The following ATP8B2 variants were observed in gnomAD, a reference collection of about 807,000 sequenced individuals.
ATP8B2 encodes the protein phospholipid-transporting ATPase ID.
A neutral mutation model predicts 133.4 loss-of-function variants in ATP8B2; 70 were observed. That is an observed-to-expected ratio of 0.52 (90% CI 0.43 to 0.64). ATP8B2 has a LOEUF of 0.64. ATP8B2 is among the 30% of genes least tolerant of loss of function. The pLI is 0.00. For missense variants in ATP8B2, 1,101 were observed against 1,535.7 expected, an observed-to-expected ratio of 0.72 and a Z score of 4.73; for synonymous variants, 517 against 589.5, an observed-to-expected ratio of 0.88 and a Z score of 1.78.
In ATP8B2 at chr1:154,345,266, C is replaced by CT. The variant is rs1686544062; in HGVS notation, c.2471-55dup. On this transcript the variant is annotated intron_variant, in intron 22 of 27. Transcript: ENST00000368489. The surrounding 1 kb of genome is among the most constrained non-coding windows in gnomAD (Gnocchi z 5.6). Reference sequence around the variant, plus strand: ...GAAGGGGGTTGTAACTTGGTAGGCTCTAAAGTGTGTGGCCGGTGGCCATCT... The same window carrying CT: ...GAAGGGGGTTGTAACTTGGTAGGCTCTTAAAGTGTGTGGCCGGTGGCCATCT... 1.2e-6 allele frequency: 2 copies of CT among 1,609,870 alleles called. No homozygotes were observed.
rs1686480570 is a variant in ATP8B2 at position 154,343,745 on chromosome 1, T to C, written c.1759-148T>C. 9.3e-7 allele frequency: 1 copy of C among 1,080,778 alleles called. No homozygotes were observed. Among genetic ancestry groups the C allele is most frequent in the African/African-American group, 1.6e-5 (1 of 63,030 alleles). The allele number at this position is 1,080,778 out of a possible 1,614,324, so 66.9% of individuals were successfully genotyped here. On this transcript the variant is annotated intron_variant, in intron 17 of 27. Transcript: ENST00000368489. This position sits in a 1 kb window ranked among gnomAD's most constrained non-coding sequence, Gnocchi z 5.8. Reference sequence around the variant, plus strand: ...TTAACACATCAGCCAGCTCCCATAGTTACCTCTTTTTATGTATGTGGTGAC... The same window carrying C: ...TTAACACATCAGCCAGCTCCCATAGCTACCTCTTTTTATGTATGTGGTGAC...
At chr1:154,329,160 C>G in intron 2 of ATP8B2, 1 of 1,158,694 alleles carries the variant, frequency 8.6e-7, no homozygotes, top group South Asian at 1.5e-5. Context: ...CCAGCCTCCC[C>G]CTACCTGCCT....
chr1:154,341,956 G>C (rs1001399930), intron 13 of ATP8B2, among the ~76,000 whole-genome samples: 12 of 152,240 alleles, frequency 7.9e-5, no homozygotes, highest in African/African-American at 2.9e-4. Flanking sequence ...ACTCTCCCCT[G>C]TTGCTGCTCA....
At position 154,345,073 on chromosome 1, in the gene ATP8B2, G is replaced by A; in HGVS notation, c.2389G>A (p.Val797Met). ...GGTGACCCCCTTGCAGAAGGCACAG[G>A]TGGTAGAACTGGTCAAGAAGTACAA... is the stretch of plus-strand genomic sequence containing the variant. Reference protein sequence around the residue: ...CRVTPLQKAQVVELVKKYKKA... With the variant: ...CRVTPLQKAQMVELVKKYKKA... Residue 797 changes from valine (V) to methionine (M), a missense_variant, in exon 22 of 28, where the codon GTG becomes ATG. Coordinates refer to ENST00000368489, the MANE Select transcript of ATP8B2 (RefSeq NM_001370597.1). The surrounding 1 kb of genome is among the most constrained non-coding windows in gnomAD (Gnocchi z 5.6). 6.2e-7 allele frequency: 1 copy of A among 1,614,220 alleles called. No homozygotes were observed. Among genetic ancestry groups the A allele is most frequent in the Non-Finnish European group, 8.5e-7 (1 of 1,180,024 alleles).
chr1:154,334,424 C>T lies in ATP8B2; in HGVS notation c.749-79C>T. 1.3e-6 allele frequency: 2 copies of T among 1,546,688 alleles called. No individual in the cohort carries two copies. Among genetic ancestry groups the T allele is most frequent in the Non-Finnish European group, 1.8e-6 (2 of 1,123,098 alleles). ...AGTATCTCTATTCCACCCTGGTGTC[C>T]TGCAGTCTGGGGATCAGGGCAGAAG... On this transcript the variant is annotated intron_variant, in intron 10 of 27. Transcript: ENST00000368489. The surrounding 1 kb of genome is among the most constrained non-coding windows in gnomAD (Gnocchi z 4.6).
Position 154,342,968 on chromosome 1 carries a change from C to T in ATP8B2, c.1453+7C>T, listed in dbSNP as rs367928953. On this transcript the variant is annotated splice_region_variant and intron_variant, in intron 15 of 27. Coordinates refer to ENST00000368489, the MANE Select transcript of ATP8B2 (RefSeq NM_001370597.1). ...TCAGAAGAAAAGAACGAAGGTGGGC[C>T]GAGGAGCCGGCTCGCACTCTCCTGA... The T allele has an allele frequency of 9.3e-6, 15 of 1,613,316 alleles. No homozygotes were observed. Among genetic ancestry groups the T allele is most frequent in the East Asian group, 2.2e-5 (1 of 44,868 alleles).
At chr1:154,335,441 C>T (rs1316239664) in intron 11 of ATP8B2, among the ~76,000 whole-genome samples, 2 of 152,144 alleles carry the variant, frequency 1.3e-5, no homozygotes, top group African/African-American at 2.4e-5. Context: ...CCTGTAATCC[C>T]AGCACTTTGG....
In ATP8B2 at chr1:154,344,095, G is replaced by A. The variant is rs778580814; in HGVS notation, c.1923+38G>A. ...GGACGGGCCAAGGATGGGCACGGAGGGCTCATGCCTGCAATTCTTGTGCCA... is the reference window on the plus strand; with the variant it reads ...GGACGGGCCAAGGATGGGCACGGAGAGCTCATGCCTGCAATTCTTGTGCCA... On this transcript the variant is annotated intron_variant, in intron 18 of 27. Transcript: ENST00000368489. This position sits in a 1 kb window ranked among gnomAD's most constrained non-coding sequence, Gnocchi z 4.1. 6.2e-7 allele frequency: 1 copy of A among 1,614,188 alleles called. No individual in the cohort carries two copies. The highest frequency in any genetic ancestry group is 8.5e-7 in the Non-Finnish European group (1 of 1,180,012).
rs761141377 is a variant in ATP8B2, at chr1:154,329,069, G to A, written c.31+897G>A. ...TTGGAGCCGAAAGAAGCCCTCTTGG[G>A]GGACAGGTAACGGGAGGCAGCGCCT... On this transcript the variant is annotated intron_variant, in intron 2 of 27. Transcript: ENST00000368489. 9 of 1,301,836 alleles carry A rather than the reference G, an allele frequency of 6.9e-6. No individual in the cohort carries two copies. The South Asian group carries it at 9.9e-5, about 14-fold the overall frequency. The allele number at this position is 1,301,836 out of a possible 1,614,324, so 80.6% of individuals were successfully genotyped here. A position where few individuals can be genotyped will look rare whatever the true frequency, so the allele number is the denominator to read the frequency against.
chr1:154,331,798 C>CAGAAG lies in ATP8B2; in HGVS notation c.438+120_438+121insAGAAG. 7.6e-7 allele frequency: 1 copy of CAGAAG among 1,315,586 alleles called. No individual in the cohort carries two copies. The highest frequency in any genetic ancestry group is 1.1e-6 in the Non-Finnish European group (1 of 913,392). 81.5% of individuals were successfully genotyped at this position (1,315,586 alleles called of 1,614,324 possible). On this transcript the variant is annotated intron_variant, in intron 7 of 27. Transcript: ENST00000368489. This position sits in a 1 kb window ranked among gnomAD's most constrained non-coding sequence, Gnocchi z 4.8. ...ACCCGTGGCAGGAATCTTTCTCACA[C>CAGAAG]CAGGGGCTTCTGTGTCATGCTGATA... is the stretch of plus-strand genomic sequence containing the variant.
At chr1:154,329,268 C>T (rs1302800566) in intron 2 of ATP8B2, among the ~76,000 whole-genome samples, 2 of 152,096 alleles carry the variant, frequency 1.3e-5, no homozygotes, top group South Asian at 2.1e-4. Flanking sequence ...GGGACTTGGC[C>T]CAAGAGAGCC....
chr1:154,337,119 T>A (rs536947623), intron 11 of ATP8B2, among the ~76,000 whole-genome samples: 8 of 147,892 alleles, frequency 5.4e-5, no homozygotes, highest in African/African-American at 1.7e-4. Flanking sequence ...TTTTTTTTTT[T>A]ATAATTATTT....
At chr1:154,330,090 C>T (rs1299021973) in intron 2 of ATP8B2, among the ~76,000 whole-genome samples, 1 of 152,188 alleles carries the variant, frequency 6.6e-6, no homozygotes, top group African/African-American at 2.4e-5. Flanking sequence ...AATCCCAGGA[C>T]TGTCAGTGGC....
Position 154,344,642 on chromosome 1 carries a change from A to G in ATP8B2, c.2143A>G (p.Lys715Glu), listed in dbSNP as rs765505006. ...ACCGTATCATTTCCACCTCGACAGG[A>G]AAGCCCGGGAGAAGATGATGGACTC... is the stretch of plus-strand genomic sequence containing the variant. ...TVLEVREELRKAREKMMDSSR... is the reference protein window; with the variant it reads ...TVLEVREELREAREKMMDSSR... Residue 715 changes from lysine to glutamate, a missense_variant and splice_region_variant, in exon 21 of 28, where the codon AAA becomes GAA. Physicochemically the swap from Lys to Glu is moderately conservative, Grantham distance 56. Coordinates refer to ENST00000368489, the MANE Select transcript of ATP8B2 (RefSeq NM_001370597.1). The surrounding 1 kb of genome is among the most constrained non-coding windows in gnomAD (Gnocchi z 4.1). 4.4e-6 allele frequency: 7 copies of G among 1,607,414 alleles called. No individual in the cohort carries two copies. In the South Asian group the frequency reaches 6.6e-5, roughly 15 times the overall value.
chr1:154,331,260 C>T lies in ATP8B2; in HGVS notation c.303+114C>T. 8.6e-7 allele frequency: 1 copy of T among 1,165,746 alleles called. No homozygotes were observed. The highest frequency in any genetic ancestry group is 1.2e-6 in the Non-Finnish European group (1 of 806,006). The allele number at this position is 1,165,746 out of a possible 1,614,324, so 72.2% of individuals were successfully genotyped here. On this transcript the variant is annotated intron_variant, in intron 5 of 27. Transcript: ENST00000368489. The surrounding 1 kb of genome is among the most constrained non-coding windows in gnomAD (Gnocchi z 4.8). ...CAATTTCTTGGTGACCTTGACATCC[C>T]TTACCCGGTCCAGCTAGATCCATGA...
At chr1:154,339,406 T>C (rs536747010) in intron 12 of ATP8B2, among the ~76,000 whole-genome samples, 4 of 152,352 alleles carry the variant, frequency 2.6e-5, no homozygotes, top group African/African-American at 9.6e-5. Context: ...ATATAAGATA[T>C]TGGCTTAGAA....
chr1:154,349,255 AC>A lies in ATP8B2; in HGVS notation c.*139del. 1.7e-6 allele frequency: 2 copies of A among 1,159,496 alleles called. No homozygotes were observed. Among genetic ancestry groups the A allele is most frequent in the African/African-American group, 1.5e-5 (1 of 64,526 alleles). 71.8% of individuals were successfully genotyped at this position (1,159,496 alleles called of 1,614,324 possible). ...CGGTAGACTCTGTCCTGCTGGTCCC[AC>A]CACACATGGCTGGGACATCTGTTCC... On this transcript the variant is annotated 3_prime_UTR_variant, in exon 28 of 28. Transcript: ENST00000368489.
At chr1:154,337,257 G>C in intron 11 of ATP8B2, 91 bp from the exon 12 acceptor site, 2 of 1,456,716 alleles carry the variant, frequency 1.4e-6, no homozygotes, top group South Asian at 2.7e-5. Context: ...CTGAGCTTTT[G>C]AGGGCTCAAG....
At chr1:154,348,569 C>A in intron 27 of ATP8B2, 31 bp downstream of exon 27, 1 of 1,608,510 alleles carries the variant, frequency 6.2e-7, no homozygotes. Flanking sequence ...CTGTGGGAGG[C>A]AGAGATGGGG....
Sources: allele counts gnomAD v4.1 joint callset (sites outside exome capture counted in the v4.1 genomes callset), GRCh38; gene constraint gnomAD v4.1.1; non-coding constraint Gnocchi (gnomAD v3.1); transcripts MANE v1.5; gene names NCBI Gene and HGNC (gene_info 2026-07-23, HGNC 2026-07-21).